SEMA5A: variants seen among roughly 807,000 people sequenced by gnomAD.
The protein encoded by SEMA5A is semaphorin-5A.
SEMA5A carries 55 observed loss-of-function variants against 135.5 expected under a neutral mutation model. That is an observed-to-expected ratio of 0.41 (90% CI 0.33 to 0.51). The LOEUF (loss-of-function observed/expected upper bound fraction) is 0.51. SEMA5A is among the 20% of genes least tolerant of loss of function. The pLI, the probability that SEMA5A is intolerant of heterozygous loss-of-function variation, is 0.37. For synonymous variants in SEMA5A, 580 were observed against 546.5 expected (o/e 1.06, Z -0.85); for missense variants, 1,290 against 1,419.9 (o/e 0.91, Z 1.47).
chr5:9,089,249 A>G (rs982369194), intron 16 of SEMA5A, among the ~76,000 whole-genome samples: 8 of 152,232 alleles, frequency 5.3e-5, no homozygotes, highest in Non-Finnish European at 7.3e-5. Flanking sequence ...CGATCCATGC[A>G]CCAGAAAACA....
intron 18 of SEMA5A, among the ~76,000 whole-genome samples, chr5:9,062,160 A>G (rs988769088): frequency 2.0e-5 from 3 of 152,160 alleles, no homozygotes; most frequent in Admixed American, 6.5e-5. Context: ...AGAAAAAAAC[A>G]TGAACACAAT....
intron 1 of SEMA5A, among the ~76,000 whole-genome samples, chr5:9,460,590 C>G (rs892342350): frequency 6.6e-6 from 1 of 152,010 alleles, no homozygotes; most frequent in African/African-American, 2.4e-5. Flanking sequence ...TCTACTCACT[C>G]GAAGCAAAAC....
At chr5:9,068,701 A>T (rs907656933) in intron 16 of SEMA5A, among the ~76,000 whole-genome samples, 4 of 152,172 alleles carry the variant, frequency 2.6e-5, no homozygotes, top group Non-Finnish European at 4.4e-5. Flanking sequence ...CTAACAAAAA[A>T]AATGGGGCTG....
At chr5:9,289,955 G>A (rs1284987139) in intron 5 of SEMA5A, among the ~76,000 whole-genome samples, 2 of 152,156 alleles carry the variant, frequency 1.3e-5, no homozygotes, top group African/African-American at 4.8e-5. Flanking sequence ...TAAAAATCAG[G>A]TAAGATTGTT....
chr5:9,270,508 C>G (rs940826057), intron 5 of SEMA5A, among the ~76,000 whole-genome samples: 1 of 152,008 alleles, frequency 6.6e-6, no homozygotes, highest in Non-Finnish European at 1.5e-5. Context: ...GAAACAATAA[C>G]AACTCTTTCT....
intron 16 of SEMA5A, among the ~76,000 whole-genome samples, chr5:9,101,023 AG>A (rs1297805513): frequency 6.6e-6 from 1 of 152,224 alleles, no homozygotes; most frequent in Middle Eastern, 3.2e-3. Context: ...GGCTTTCCCA[AG>A]GTTTCTTGCA....
intron 2 of SEMA5A, among the ~76,000 whole-genome samples, chr5:9,428,672 T>C (rs1237991486): frequency 1.3e-5 from 2 of 152,168 alleles, no homozygotes; most frequent in Non-Finnish European, 2.9e-5. Flanking sequence ...GAGAAAGCAG[T>C]AAAATGAATG....
chr5:9,387,848 C>T (rs994723418), intron 2 of SEMA5A, among the ~76,000 whole-genome samples: 1 of 152,174 alleles, frequency 6.6e-6, no homozygotes, highest in African/African-American at 2.4e-5. Flanking sequence ...ACATTGAGCC[C>T]ATAAGGGGAA....
intron 5 of SEMA5A, among the ~76,000 whole-genome samples, chr5:9,299,226 G>A (rs3734152): frequency 1.3e-5 from 2 of 151,962 alleles, no homozygotes; most frequent in African/African-American, 4.8e-5. Context: ...GTTGGAATGG[G>A]GAATCTCATA....
At chr5:9,518,992 G>A (rs1242950315) in intron 1 of SEMA5A, among the ~76,000 whole-genome samples, 1 of 151,774 alleles carries the variant, frequency 6.6e-6, no homozygotes, top group Non-Finnish European at 1.5e-5. Context: ...TCACTATCAG[G>A]GTTAAATTAA....
intron 8 of SEMA5A, among the ~76,000 whole-genome samples, chr5:9,209,231 TG>T (rs1472813647): frequency 4.6e-5 from 7 of 152,188 alleles, no homozygotes; most frequent in Non-Finnish European, 8.8e-5. Context: ...TAGTTCAAAG[TG>T]ACAGACTTTA....
chr5:9,047,057 A>G (rs1010595400), intron 21 of SEMA5A, among the ~76,000 whole-genome samples: 2 of 152,172 alleles, frequency 1.3e-5, no homozygotes, highest in Admixed American at 1.3e-4. Context: ...TATCCAGGGG[A>G]CATTTCACCA....
At chr5:9,489,236 A>G (rs2126795832) in intron 1 of SEMA5A, among the ~76,000 whole-genome samples, 1 of 115,328 alleles carries the variant, frequency 8.7e-6, no homozygotes, top group African/African-American at 3.4e-5. Flanking sequence ...ATTGCTCAAC[A>G]AAGAACCAAA....
chr5:9,509,113 C>G (rs1736065857), intron 1 of SEMA5A, among the ~76,000 whole-genome samples: 1 of 149,612 alleles, frequency 6.7e-6, no homozygotes, highest in Non-Finnish European at 1.5e-5. Context: ...CTCACCAGGA[C>G]AGCATCACTA....
At chr5:9,292,681 C>A (rs1751145169) in intron 5 of SEMA5A, among the ~76,000 whole-genome samples, 1 of 152,158 alleles carries the variant, frequency 6.6e-6, no homozygotes, top group East Asian at 1.9e-4. Flanking sequence ...TGAAAATACA[C>A]ACTCAAGTCC....
chr5:9,254,667 C>T (rs1579720261), intron 5 of SEMA5A, among the ~76,000 whole-genome samples: 2 of 151,630 alleles, frequency 1.3e-5, no homozygotes, highest in Admixed American at 6.6e-5. Context: ...TAAGGTAATG[C>T]CATAGTTTAC....
chr5:9,140,327 G>A (rs1428568101), intron 12 of SEMA5A, among the ~76,000 whole-genome samples: 1 of 152,072 alleles, frequency 6.6e-6, no homozygotes, highest in Admixed American at 6.5e-5. Flanking sequence ...TTTTGTGCAG[G>A]GAATAGAGAA....
Position 9,379,864 on chromosome 5 carries a change from GTC to G in SEMA5A, c.81_82del (p.Thr28SerfsTer13). 1 of 1,614,072 alleles carries G rather than the reference GTC, an allele frequency of 6.2e-7. No homozygotes were observed. The highest frequency in any genetic ancestry group is 8.5e-7 in the Non-Finnish European group (1 of 1,180,004). On this transcript the variant is annotated frameshift_variant, in exon 3 of 23. Transcript: ENST00000382496. LOFTEE classifies it high-confidence loss of function. Reference sequence around the variant, plus strand: ...TGGATGCTCGGTTCTCTGGCACTGAGTCGTACCCTGGGCCTCTGGGTGGGCGA... The same window carrying G: ...TGGATGCTCGGTTCTCTGGCACTGAGGTACCCTGGGCCTCTGGGTGGGCGA...
chr5:9,200,360 T>A (rs1403626940), intron 9 of SEMA5A, among the ~76,000 whole-genome samples: 1 of 152,194 alleles, frequency 6.6e-6, no homozygotes, highest in Non-Finnish European at 1.5e-5. Context: ...ACTTCTGAAA[T>A]TGGTGTTTTG....
Sources: gnomAD v4.1 joint callset for allele counts (sites outside exome capture counted in the v4.1 genomes callset) on GRCh38, gnomAD v4.1.1 for gene constraint, MANE v1.5 for transcripts, NCBI Gene and HGNC (gene_info 2026-07-23, HGNC 2026-07-21) for gene names.